The following BLOC1S5 variants were observed in gnomAD, a reference collection of about 807,000 sequenced individuals.
The protein encoded by BLOC1S5 is biogenesis of lysosome-related organelles complex 1 subunit 5.
BLOC1S5 carries 27 observed loss-of-function variants against 24.3 expected under a neutral mutation model. The observed-to-expected ratio is 1.11, with a 90% CI of 0.82 to 1.53. The LOEUF (loss-of-function observed/expected upper bound fraction) is 1.53. Ranked by LOEUF, BLOC1S5 falls within the 40% of genes most tolerant of loss-of-function variation. The pLI is 0.00. For synonymous variants in BLOC1S5, 84 were observed against 74.5 expected, an observed-to-expected ratio of 1.13 and a Z score of -0.66; for missense variants, 239 against 229.4, an observed-to-expected ratio of 1.04 and a Z score of -0.27.
At chr6:8,024,601 G>A (rs1289285287) in intron 4 of BLOC1S5, among the ~76,000 whole-genome samples, 1 of 150,774 alleles carries the variant, frequency 6.6e-6, no homozygotes, top group Non-Finnish European at 1.5e-5. Flanking sequence ...TTTAAACCAT[G>A]GGACAGACAG....
intron 2 of BLOC1S5, among the ~76,000 whole-genome samples, chr6:8,043,943 T>C (rs1763782147): frequency 6.6e-6 from 1 of 152,144 alleles, no homozygotes; most frequent in African/African-American, 2.4e-5. Flanking sequence ...ATCAGGGGTT[T>C]CCACTTTTGC....
chr6:8,057,998 C>CCTTT (rs1413351927), intron 2 of BLOC1S5, among the ~76,000 whole-genome samples: 1 of 152,130 alleles, frequency 6.6e-6, no homozygotes, highest in East Asian at 1.9e-4. Flanking sequence ...TGTTTACATG[C>CCTTT]CTTTCTTCTC....
intron 4 of BLOC1S5, among the ~76,000 whole-genome samples, chr6:8,016,214 T>C (rs1762728014): frequency 6.6e-6 from 1 of 152,006 alleles, no homozygotes; most frequent in Non-Finnish European, 1.5e-5. Flanking sequence ...TAGTTCCAGC[T>C]ACTCGGGAGG....
At position 8,032,057 on chromosome 6, in the gene BLOC1S5, G is replaced by A. The variant is rs765564897; in HGVS notation, c.326-5632C>T. Among the ~76,000 whole-genome samples the A allele has an allele frequency of 2.4e-4, 36 of 152,072 alleles. 1 individual carries two copies. The highest frequency in any genetic ancestry group is 1.0e-4 in the Non-Finnish European group (7 of 68,032). On this transcript the variant is annotated intron_variant, in intron 3 of 4. Transcript: ENST00000397457. ...GAAAAACCCTTCTAGACATTGGCTC[G>A]AGCAGAGACTTCATGACCAAGAACC...
intron 3 of BLOC1S5, among the ~76,000 whole-genome samples, chr6:8,036,594 AAAG>A (rs1386990435): frequency 6.6e-6 from 1 of 152,202 alleles, no homozygotes; most frequent in African/African-American, 2.4e-5. Context: ...GCAAACATTT[AAAG>A]AAGAATTAAC....
intron 2 of BLOC1S5, among the ~76,000 whole-genome samples, chr6:8,049,915 T>C (rs551809625): frequency 5.3e-5 from 8 of 152,286 alleles, no homozygotes; most frequent in Non-Finnish European, 8.8e-5. Context: ...TTCATCATGT[T>C]GCCCAGGGCT....
intron 2 of BLOC1S5, among the ~76,000 whole-genome samples, chr6:8,052,142 T>C (rs781526333): frequency 2.6e-4 from 40 of 151,800 alleles, no homozygotes; most frequent in Admixed American, 7.9e-4. Flanking sequence ...AATTTTTTTG[T>C]ATTTTTAGTA....
rs531135650 is a variant in BLOC1S5 at position 8,015,017 on chromosome 6, A to G, written c.*632T>C. 1 of 152,834 alleles carries G rather than the reference A, an allele frequency of 6.5e-6. No individual in the cohort carries two copies. The highest frequency in any genetic ancestry group is 1.9e-4 in the East Asian group (1 of 5,190). 9.5% of individuals were successfully genotyped at this position (152,834 alleles called of 1,614,324 possible). ...CACAAAACTTAACATGTGTCTTCCCATCCACGGAAGCCCATGGCATTATGC... is the reference window on the plus strand; with the variant it reads ...CACAAAACTTAACATGTGTCTTCCCGTCCACGGAAGCCCATGGCATTATGC... On this transcript the variant is annotated 3_prime_UTR_variant, in exon 5 of 5. Coordinates refer to ENST00000397457, the MANE Select transcript of BLOC1S5 (RefSeq NM_201280.3).
intron 3 of BLOC1S5, 61 bp from the exon 4 acceptor site, chr6:8,026,486 G>C: frequency 1.5e-6 from 2 of 1,311,514 alleles, no homozygotes; most frequent in Non-Finnish European, 2.2e-6. Flanking sequence ...ACACATACCT[G>C]GGGGAGGAGT....
chr6:8,020,277 G>A (rs1285826923), intron 4 of BLOC1S5, among the ~76,000 whole-genome samples: 3 of 152,184 alleles, frequency 2.0e-5, no homozygotes, highest in African/African-American at 4.8e-5. Context: ...TGCTGACCTC[G>A]TCTGAGAGGC....
chr6:8,018,718 T>C (rs1762821006), intron 4 of BLOC1S5, among the ~76,000 whole-genome samples: 1 of 152,250 alleles, frequency 6.6e-6, no homozygotes, highest in Non-Finnish European at 1.5e-5. Context: ...GTCAAGTTCC[T>C]AGCTCAGTGC....
chr6:8,016,011 A>G (rs1340873266), intron 4 of BLOC1S5, among the ~76,000 whole-genome samples, 183 bp from the exon 5 acceptor site: 1 of 152,206 alleles, frequency 6.6e-6, no homozygotes, highest in Non-Finnish European at 1.5e-5. Context: ...AAAATTAAAC[A>G]TGGATATTCT....
intron 4 of BLOC1S5, among the ~76,000 whole-genome samples, chr6:8,017,303 G>C (rs1762775987): frequency 6.6e-6 from 1 of 152,102 alleles, no homozygotes. Context: ...GCTTGAACCT[G>C]AGAGGCGGAG....
intron 1 of BLOC1S5, among the ~76,000 whole-genome samples, chr6:8,063,673 C>G (rs997770638): frequency 1.3e-5 from 2 of 152,170 alleles, no homozygotes; most frequent in Admixed American, 1.3e-4. Flanking sequence ...GACTTTCACG[C>G]AGCAAACAGC....
At position 8,015,051 on chromosome 6, in the gene BLOC1S5, A is replaced by G. The variant is rs1762688503; in HGVS notation, c.*598T>C. ...AGCCCATGGCATTATGCTGCACTGT[A>G]AAATATGCAACGCTTCCCAAGAGGC... is the stretch of plus-strand genomic sequence containing the variant. On this transcript the variant is annotated 3_prime_UTR_variant, in exon 5 of 5. Transcript: ENST00000397457. The G allele has an allele frequency of 6.5e-6, 1 of 152,718 alleles. No individual in the cohort carries two copies. 9.5% of individuals were successfully genotyped at this position (152,718 alleles called of 1,614,324 possible).
At chr6:8,063,008 C>G (rs1011761382) in intron 1 of BLOC1S5, among the ~76,000 whole-genome samples, 7 of 151,942 alleles carry the variant, frequency 4.6e-5, no homozygotes, top group Non-Finnish European at 1.0e-4. Flanking sequence ...ATAAATACAT[C>G]AGAGTTACAC....
rs59166291 is a variant in BLOC1S5, at chr6:8,017,385, AAC to A, written c.385-1559_385-1558del. Among the ~76,000 whole-genome samples the A allele has an allele frequency of 3.3e-5, 5 of 149,622 alleles. No homozygotes were observed. The South Asian group carries it at 6.3e-4, about 19-fold the overall frequency. On this transcript the variant is annotated intron_variant, in intron 4 of 4. Transcript: ENST00000397457. The stretch of plus-strand genomic sequence containing the variant: ...AGAGCGAGACTCCGTCTCAAAAACA[AAC>A]ACACACACACACACACACACCTACA...
chr6:8,045,685 A>AG (rs747663387), intron 2 of BLOC1S5, among the ~76,000 whole-genome samples: 16 of 152,248 alleles, frequency 1.1e-4, no homozygotes, highest in Non-Finnish European at 2.2e-4. Context: ...CTGGAGTCAA[A>AG]GGGGATCATT....
intron 3 of BLOC1S5, among the ~76,000 whole-genome samples, chr6:8,038,730 C>T (rs533943182): frequency 1.2e-4 from 19 of 152,174 alleles, no homozygotes; most frequent in South Asian, 2.1e-4. Flanking sequence ...ATGATCCACC[C>T]GCCTCGGCCT....
Sources: gnomAD v4.1 joint callset for allele counts (sites outside exome capture counted in the v4.1 genomes callset) on GRCh38, gnomAD v4.1.1 for gene constraint, MANE v1.5 for transcripts, NCBI Gene and HGNC (gene_info 2026-07-23, HGNC 2026-07-21) for gene names.